Variants in CSMD1 observed in about 807,000 individuals in gnomAD.
CSMD1 encodes CUB and Sushi multiple domains 1, also known as CUB and sushi domain-containing protein 1.
Under a neutral mutation model 417.5 loss-of-function variants are expected in CSMD1, and 213 were observed. That is an observed-to-expected ratio of 0.51 (90% CI 0.46 to 0.57). The LOEUF (loss-of-function observed/expected upper bound fraction) is 0.57. Ranked by LOEUF, CSMD1 falls within the 20% of genes least tolerant of loss-of-function variation. CSMD1 has a pLI of 0.00. For synonymous variants in CSMD1, 2,862 were observed against 1,736.8 expected (o/e 1.65, Z -16.11); for missense variants, 6,923 against 4,529.7 (o/e 1.53, Z -15.17).
At chr8:3,105,071 G>A (rs745405646) in intron 46 of CSMD1, among the ~76,000 whole-genome samples, 2 of 152,332 alleles carry the variant, frequency 1.3e-5, no homozygotes, top group East Asian at 1.9e-4. Flanking sequence ...CTGCGAAGTC[G>A]ATACTTTTGC....
chr8:2,945,082 T>C (rs968926548), intron 68 of CSMD1, among the ~76,000 whole-genome samples: 1 of 152,208 alleles, frequency 6.6e-6, no homozygotes, highest in Admixed American at 6.5e-5. Context: ...TGAAGGTTAA[T>C]ATACACACAT....
chr8:4,151,667 C>T (rs1313454965), intron 3 of CSMD1, among the ~76,000 whole-genome samples: 1 of 152,084 alleles, frequency 6.6e-6, no homozygotes, highest in Non-Finnish European at 1.5e-5. Flanking sequence ...ATTATGTCAA[C>T]ATTATAGGTG....
chr8:3,205,062 C>G (rs1032519876), intron 31 of CSMD1, among the ~76,000 whole-genome samples: 1 of 152,210 alleles, frequency 6.6e-6, no homozygotes, highest in African/African-American at 2.4e-5. Flanking sequence ...TCCCTCAGCA[C>G]TTACAGGTTG....
At chr8:4,081,552 T>G (rs1183797745) in intron 3 of CSMD1, among the ~76,000 whole-genome samples, 1 of 152,140 alleles carries the variant, frequency 6.6e-6, no homozygotes, top group Non-Finnish European at 1.5e-5. Flanking sequence ...ACCGAAGCTG[T>G]GCTCATGTTG....
chr8:3,859,800 C>T (rs919473001), intron 5 of CSMD1, among the ~76,000 whole-genome samples: 2 of 152,146 alleles, frequency 1.3e-5, no homozygotes, highest in Non-Finnish European at 2.9e-5. Context: ...GTCAATGCAT[C>T]CTGATTCCGC....
intron 26 of CSMD1, among the ~76,000 whole-genome samples, chr8:3,274,713 G>T (rs1430070919): frequency 2.0e-5 from 3 of 152,030 alleles, no homozygotes; most frequent in Non-Finnish European, 2.9e-5. Flanking sequence ...GATCTTTGTT[G>T]GTTTAAAGTC....
intron 3 of CSMD1, among the ~76,000 whole-genome samples, chr8:4,182,910 G>A (rs1027125164): frequency 3.3e-5 from 5 of 152,142 alleles, no homozygotes; most frequent in Admixed American, 2.0e-4. Context: ...GAATGTAATT[G>A]AAGACGGTGG....
chr8:3,382,174 G>A (rs1183285209), intron 18 of CSMD1, among the ~76,000 whole-genome samples: 1 of 151,892 alleles, frequency 6.6e-6, no homozygotes, highest in African/African-American at 2.4e-5. Context: ...CAGGGTAATC[G>A]CTTGAACCTG....
intron 21 of CSMD1, among the ~76,000 whole-genome samples, chr8:3,351,513 C>G (rs556593069): frequency 4.0e-4 from 60 of 151,010 alleles, no homozygotes; most frequent in African/African-American, 1.4e-3. Context: ...TCGGAGGCTG[C>G]TTGAACCCAG....
At chr8:3,888,234 T>A (rs987848313) in intron 5 of CSMD1, among the ~76,000 whole-genome samples, 1 of 152,144 alleles carries the variant, frequency 6.6e-6, no homozygotes, top group Non-Finnish European at 1.5e-5. Context: ...GTTAGAGGAA[T>A]AAGCAAAATG....
At chr8:3,959,762 C>G (rs1278093568) in intron 5 of CSMD1, among the ~76,000 whole-genome samples, 1 of 152,168 alleles carries the variant, frequency 6.6e-6, no homozygotes, top group Admixed American at 6.5e-5. Flanking sequence ...TTAGGTATGT[C>G]TTCAGTTTTG....
At position 4,392,001 on chromosome 8, in the gene CSMD1, A is replaced by G. The variant is rs1046533189; in HGVS notation, c.415+27952T>C. Among the ~76,000 whole-genome samples, 23 of 152,244 alleles carry G rather than the reference A, an allele frequency of 1.5e-4. 1 individual carries two copies. The highest frequency in any genetic ancestry group is 9.2e-4 in the Admixed American group (14 of 15,296). ...GAGACCTAGTCAACACCAAGCATCA[A>G]TCCTAAACTTGTGAGTGGGTAAGTG... On this transcript the variant is annotated intron_variant, in intron 3 of 69. Transcript: ENST00000635120.
intron 2 of CSMD1, among the ~76,000 whole-genome samples, chr8:4,632,993 C>G (rs1415224956): frequency 8.5e-5 from 13 of 152,126 alleles, no homozygotes; most frequent in Non-Finnish European, 1.5e-5. Context: ...GGAGTCCGAT[C>G]ATGGACTTTC....
intron 2 of CSMD1, among the ~76,000 whole-genome samples, chr8:4,501,389 T>G (rs1235424133): frequency 1.3e-5 from 2 of 152,134 alleles, no homozygotes; most frequent in East Asian, 3.9e-4. Context: ...TTTAAACAAC[T>G]ATTTTAGGCA....
chr8:4,310,633 G>C (rs60806454), intron 3 of CSMD1, among the ~76,000 whole-genome samples: 65,604 of 151,974 alleles, frequency 0.43, 16,653 homozygotes, highest in Non-Finnish European at 0.57. Context: ...GGAAAAATGA[G>C]TCAGACACAT....
At chr8:3,310,545 G>C (rs1247051113) in intron 23 of CSMD1, among the ~76,000 whole-genome samples, 1 of 152,134 alleles carries the variant, frequency 6.6e-6, no homozygotes, top group Non-Finnish European at 1.5e-5. Context: ...TTTACATTAG[G>C]TATGCTGCTT....
At chr8:3,389,521 C>A (rs1356569950) in intron 17 of CSMD1, among the ~76,000 whole-genome samples, 4 of 152,116 alleles carry the variant, frequency 2.6e-5, no homozygotes, top group Non-Finnish European at 5.9e-5. Flanking sequence ...AAACAGTTAA[C>A]TAAATAATTT....
In CSMD1 at chr8:4,903,937, C is replaced by T. The variant is rs114298252; in HGVS notation, c.85+90395G>A. On this transcript the variant is annotated intron_variant, in intron 1 of 69. Transcript: ENST00000635120. Reference sequence around the variant, plus strand: ...AGACTATATTTCCTTGAGCCTATTACGGAATTTGCTATTATAATTTAAATA... The same window carrying T: ...AGACTATATTTCCTTGAGCCTATTATGGAATTTGCTATTATAATTTAAATA... 7.1e-3 allele frequency among the ~76,000 whole-genome samples: 1,081 copies of T among 152,266 alleles called. 12 individuals carry two copies. The highest frequency in any genetic ancestry group is 0.024 in the African/African-American group (1,017 of 41,532).
intron 2 of CSMD1, among the ~76,000 whole-genome samples, chr8:4,585,168 T>C (rs1799636972): frequency 6.7e-6 from 1 of 149,084 alleles, no homozygotes; most frequent in Admixed American, 6.7e-5. Context: ...AGAAGTTGCC[T>C]TTAAAATAAC....
Sources: gnomAD v4.1 joint callset for allele counts (sites outside exome capture counted in the v4.1 genomes callset) on GRCh38, gnomAD v4.1.1 for gene constraint, MANE v1.5 for transcripts, NCBI Gene and HGNC (gene_info 2026-07-23, HGNC 2026-07-21) for gene names.